Variants in UBAC2 observed in about 807,000 individuals in gnomAD.
The protein encoded by UBAC2 is UBA domain containing 2, also known as ubiquitin-associated domain-containing protein 2.
Under a neutral mutation model 44.0 loss-of-function variants are expected in UBAC2, and 26 were observed. The ratio of observed to expected loss-of-function variants is 0.59; its 90% CI spans 0.43 to 0.82. The LOEUF is 0.82. UBAC2 is among the 40% of genes least tolerant of loss of function. UBAC2 has a pLI of 0.00. For missense variants in UBAC2, 329 were observed against 419.4 expected, an observed-to-expected ratio of 0.78 and a Z score of 1.88; for synonymous variants, 155 against 154.3, an observed-to-expected ratio of 1.00 and a Z score of -0.04.
intron 1 of UBAC2, among the ~76,000 whole-genome samples, chr13:99,224,904 A>G (rs546647589): frequency 1.3e-5 from 2 of 152,348 alleles, no homozygotes; most frequent in East Asian, 1.9e-4. Context: ...CTTGTTGTCT[A>G]TAATGATACT....
chr13:99,369,173 T>G (rs1364479941), intron 8 of UBAC2, among the ~76,000 whole-genome samples: 3 of 152,164 alleles, frequency 2.0e-5, no homozygotes, highest in Non-Finnish European at 2.9e-5. Context: ...ATCACAAATT[T>G]GCAAGCATCG....
chr13:99,256,163 A>AT (rs2043552426), intron 4 of UBAC2, among the ~76,000 whole-genome samples: 2 of 152,232 alleles, frequency 1.3e-5, no homozygotes, highest in South Asian at 4.1e-4. Flanking sequence ...TATTTACTGA[A>AT]TTGATGAATA....
intron 7 of UBAC2, among the ~76,000 whole-genome samples, chr13:99,349,029 C>T (rs1239164324): frequency 6.6e-6 from 1 of 152,200 alleles, no homozygotes; most frequent in South Asian, 2.1e-4. Flanking sequence ...AGTGAAAATT[C>T]TGTGTGCTCA....
chr13:99,385,437 T>C lies in UBAC2; in HGVS notation c.*102T>C, dbSNP rs1044208944. The C allele has an allele frequency of 3.2e-6, 3 of 942,690 alleles. No individual in the cohort carries two copies. The highest frequency in any genetic ancestry group is 3.2e-5 in the African/African-American group (2 of 62,026). The allele number at this position is 942,690 out of a possible 1,614,324, so 58.4% of individuals were successfully genotyped here. On this transcript the variant is annotated 3_prime_UTR_variant, in exon 9 of 9. Coordinates refer to ENST00000403766, the MANE Select transcript of UBAC2 (RefSeq NM_001144072.2). ...GACCGAGCATCTCTGGTGCTGATGTTCTTGTGGGAAGAGGGAGGTTCCACC... is the reference window on the plus strand; with the variant it reads ...GACCGAGCATCTCTGGTGCTGATGTCCTTGTGGGAAGAGGGAGGTTCCACC...
intron 1 of UBAC2, among the ~76,000 whole-genome samples, chr13:99,226,623 A>G (rs1034676607): frequency 3.9e-5 from 6 of 152,230 alleles, no homozygotes; most frequent in Non-Finnish European, 8.8e-5. Flanking sequence ...AGGAAAGGTT[A>G]AAGTCCTCAT....
intron 1 of UBAC2, among the ~76,000 whole-genome samples, chr13:99,232,421 T>TATATA (rs61314371): frequency 2.9e-5 from 4 of 139,850 alleles, no homozygotes; most frequent in Non-Finnish European, 4.7e-5. Flanking sequence ...TATATATATA[T>TATATA]TCACACACAC....
Position 99,295,722 on chromosome 13 carries a change from T to A in UBAC2, c.390-18375T>A. The A allele has an allele frequency of 1.2e-6, 2 of 1,614,150 alleles. No homozygotes were observed. The highest frequency in any genetic ancestry group is 2.2e-5 in the East Asian group (1 of 44,890). On this transcript the variant is annotated intron_variant, in intron 4 of 8. Transcript: ENST00000403766. This position sits in a 1 kb window ranked among gnomAD's most constrained non-coding sequence, Gnocchi z 4.1. Reference sequence around the variant, plus strand: ...CCTTTTGCATGTTCAATCCTTTTTATCTTGTTGTAGCGTAGAGGGTGCACC... The same window carrying A: ...CCTTTTGCATGTTCAATCCTTTTTAACTTGTTGTAGCGTAGAGGGTGCACC...
chr13:99,277,891 G>A (rs952127243), intron 4 of UBAC2, among the ~76,000 whole-genome samples: 19 of 152,230 alleles, frequency 1.2e-4, no homozygotes, highest in African/African-American at 4.3e-4. Flanking sequence ...GCTTAGTCTC[G>A]GGATCCATCT....
At chr13:99,322,572 T>A (rs770498776) in intron 6 of UBAC2, among the ~76,000 whole-genome samples, 4 of 152,224 alleles carry the variant, frequency 2.6e-5, no homozygotes, top group Non-Finnish European at 4.4e-5. Flanking sequence ...CTCAGACTTC[T>A]CCCTTCAACG....
chr13:99,334,055 TC>T (rs2044753516), intron 6 of UBAC2, among the ~76,000 whole-genome samples: 1 of 152,188 alleles, frequency 6.6e-6, no homozygotes, highest in Non-Finnish European at 1.5e-5. Context: ...CAAGTGACCC[TC>T]CCACATCAGC....
At chr13:99,255,152 C>T in intron 4 of UBAC2, 1 of 1,614,074 alleles carries the variant, frequency 6.2e-7, no homozygotes, top group Non-Finnish European at 8.5e-7. Flanking sequence ...CAGACGAGCA[C>T]CTGCACCAGC....
intron 1 of UBAC2, among the ~76,000 whole-genome samples, chr13:99,231,189 T>G (rs1191487751): frequency 6.6e-6 from 1 of 152,180 alleles, no homozygotes; most frequent in African/African-American, 2.4e-5. Flanking sequence ...TAGTCACAGG[T>G]TCTGGGGATT....
At chr13:99,351,135 G>A (rs1442894788) in intron 7 of UBAC2, among the ~76,000 whole-genome samples, 3 of 152,198 alleles carry the variant, frequency 2.0e-5, no homozygotes, top group African/African-American at 7.2e-5. Context: ...GAATACTGTT[G>A]TCATTGGGGA....
chr13:99,201,076 T>A, intron 1 of UBAC2, 137 bp downstream of exon 1: 1 of 1,340,622 alleles, frequency 7.5e-7, no homozygotes, highest in Admixed American at 3.5e-5. Flanking sequence ...GTCCGAACCC[T>A]GCTAGTTCCC....
chr13:99,243,784 G>A (rs750045874), intron 2 of UBAC2, 48 bp from the exon 3 acceptor site: 28 of 1,531,756 alleles, frequency 1.8e-5, no homozygotes, highest in African/African-American at 6.9e-5. Flanking sequence ...GAAGAGACCC[G>A]AACAAATTTT....
chr13:99,268,251 G>A (rs768872977), intron 4 of UBAC2, among the ~76,000 whole-genome samples: 4 of 152,180 alleles, frequency 2.6e-5, no homozygotes, highest in Non-Finnish European at 4.4e-5. Context: ...CTTCTCAGAA[G>A]AACAATAGCT....
intron 4 of UBAC2, among the ~76,000 whole-genome samples, chr13:99,283,923 C>T (rs566694733): frequency 2.6e-5 from 4 of 151,864 alleles, no homozygotes; most frequent in African/African-American, 9.7e-5. Context: ...TTAATAGAGA[C>T]GGTGTTTCAC....
chr13:99,382,434 G>A (rs574584678), intron 8 of UBAC2, among the ~76,000 whole-genome samples: 53 of 152,292 alleles, frequency 3.5e-4, no homozygotes, highest in Admixed American at 2.0e-3. Context: ...GCATGCACAG[G>A]CACACACAAC....
chr13:99,366,859 G>T (rs1257157090), intron 7 of UBAC2, among the ~76,000 whole-genome samples: 2 of 152,060 alleles, frequency 1.3e-5, no homozygotes, highest in Admixed American at 1.3e-4. Flanking sequence ...CTGAGGCCTT[G>T]CAACTCCACT....
Sources: allele counts gnomAD v4.1 joint callset (sites outside exome capture counted in the v4.1 genomes callset), GRCh38; gene constraint gnomAD v4.1.1; non-coding constraint Gnocchi (gnomAD v3.1); transcripts MANE v1.5; gene names NCBI Gene and HGNC (gene_info 2026-07-23, HGNC 2026-07-21).